The following IMPG1 variants were observed in gnomAD, a reference collection of about 807,000 sequenced individuals.
The protein encoded by IMPG1 is interphotoreceptor matrix proteoglycan 1, also known as interphotoreceptor matrix proteoglycan of 150 kDa.
A neutral mutation model predicts 92.0 loss-of-function variants in IMPG1; 85 were observed. The ratio of observed to expected loss-of-function variants is 0.92; its 90% CI spans 0.78 to 1.11. The LOEUF (loss-of-function observed/expected upper bound fraction) is 1.11. Ranked by LOEUF, IMPG1 falls within the 50% of genes least tolerant of loss-of-function variation. The pLI, the probability that IMPG1 is intolerant of heterozygous loss-of-function variation, is 0.00. For synonymous variants in IMPG1, 367 were observed against 334.1 expected, an observed-to-expected ratio of 1.10 and a Z score of -1.08; for missense variants, 1,022 against 956.0, an observed-to-expected ratio of 1.07 and a Z score of -0.91.
chr6:75,982,502 G>C (rs1423901147), intron 12 of IMPG1, among the ~76,000 whole-genome samples: 1 of 150,462 alleles, frequency 6.6e-6, no homozygotes, highest in Admixed American at 6.6e-5. Flanking sequence ...ATCGTGCCTG[G>C]GTGACAGAGC....
At chr6:76,008,835 C>G (rs879886154) in intron 8 of IMPG1, among the ~76,000 whole-genome samples, 1 of 152,180 alleles carries the variant, frequency 6.6e-6, no homozygotes, top group Non-Finnish European at 1.5e-5. Context: ...ATTCATCAAT[C>G]GCAAAGCTTT....
At chr6:75,966,797 T>C (rs982190775) in intron 12 of IMPG1, among the ~76,000 whole-genome samples, 3 of 152,152 alleles carry the variant, frequency 2.0e-5, no homozygotes, top group Admixed American at 6.5e-5. Flanking sequence ...TTTATGTAAT[T>C]TGTGTCCTTC....
chr6:75,937,625 G>A (rs1163606009), intron 14 of IMPG1, among the ~76,000 whole-genome samples: 1 of 152,166 alleles, frequency 6.6e-6, no homozygotes, highest in Admixed American at 6.5e-5. Context: ...ATTAAAATTT[G>A]TGTCAATAGT....
chr6:76,007,882 G>A (rs980108683), intron 8 of IMPG1, among the ~76,000 whole-genome samples: 2 of 152,100 alleles, frequency 1.3e-5, no homozygotes, highest in African/African-American at 2.4e-5. Flanking sequence ...TTTTAAAAAA[G>A]TATTTTGTAA....
rs142848421 is a variant in IMPG1 at position 75,991,315 on chromosome 6, C to T, written c.1291+11603G>A. Among the ~76,000 whole-genome samples the T allele has an allele frequency of 9.7e-3, 1,468 of 151,940 alleles. 15 individuals carry two copies. The highest frequency in any genetic ancestry group is 0.034 in the African/African-American group (1,397 of 41,432). On this transcript the variant is annotated intron_variant, in intron 12 of 16. Coordinates refer to ENST00000369950, the MANE Select transcript of IMPG1 (RefSeq NM_001563.4). ...CTGAGGCAAGAGAATCGCTTGAACC[C>T]GGGAGGCGGAGGTTGCAGTGAGCCA... is the stretch of plus-strand genomic sequence containing the variant.
intron 1 of IMPG1, among the ~76,000 whole-genome samples, chr6:76,070,895 A>G (rs1784394119): frequency 6.6e-6 from 1 of 152,060 alleles, no homozygotes; most frequent in Admixed American, 6.6e-5. Context: ...TGATGGTTAC[A>G]CTAAAGCCCA....
rs550769334 is a variant in IMPG1 at position 75,958,555 on chromosome 6, T to C, written c.1292-7461A>G. On this transcript the variant is annotated intron_variant, in intron 12 of 16. Coordinates refer to ENST00000369950, the MANE Select transcript of IMPG1 (RefSeq NM_001563.4). The stretch of plus-strand genomic sequence containing the variant: ...CACATGTAGGTTTGGTCTTTTCACA[T>C]AGTCCCATATTTCTTGGAGGCTTTG... Among the ~76,000 whole-genome samples, 3 of 152,340 alleles carry C rather than the reference T, an allele frequency of 2.0e-5. No homozygotes were observed. In the South Asian group the frequency reaches 6.2e-4, roughly 32 times the overall value.
intron 12 of IMPG1, among the ~76,000 whole-genome samples, chr6:75,979,302 A>T (rs1582082148): frequency 6.6e-6 from 1 of 152,196 alleles, no homozygotes; most frequent in East Asian, 1.9e-4. Context: ...GTCTCAAAAG[A>T]CAGTTGGTAG....
At chr6:75,922,589 T>C (rs1781448262) in intron 16 of IMPG1, among the ~76,000 whole-genome samples, 1 of 152,234 alleles carries the variant, frequency 6.6e-6, no homozygotes, top group Non-Finnish European at 1.5e-5. Flanking sequence ...ATGTAGTTCT[T>C]CAAGTTTACT....
chr6:76,055,925 T>C (rs1424938324), intron 1 of IMPG1, among the ~76,000 whole-genome samples: 2 of 152,102 alleles, frequency 1.3e-5, no homozygotes, highest in African/African-American at 2.4e-5. Flanking sequence ...TCAAATATCT[T>C]TCTATGAATA....
intron 2 of IMPG1, among the ~76,000 whole-genome samples, chr6:76,040,473 C>T (rs755952087): frequency 2.6e-5 from 4 of 152,186 alleles, no homozygotes; most frequent in Admixed American, 2.0e-4. Context: ...TAGGCACACT[C>T]GAAATTAGTA....
rs1409734111 is a variant in IMPG1, at chr6:76,022,107, ACTT to A, written c.666+6_666+8del. On this transcript the variant is annotated splice_donor_region_variant and intron_variant, in intron 6 of 16. Coordinates refer to ENST00000369950, the MANE Select transcript of IMPG1 (RefSeq NM_001563.4). Reference sequence around the variant, plus strand: ...ATGAAGAGCTAGATCAACTCTAGGAACTTCTTACTGTTGTAGGCATCTTGGTGT... The same window carrying A: ...ATGAAGAGCTAGATCAACTCTAGGAACTTACTGTTGTAGGCATCTTGGTGT... 6.7e-7 allele frequency: 1 copy of A among 1,485,788 alleles called. No individual in the cohort carries two copies. Among genetic ancestry groups the A allele is most frequent in the East Asian group, 2.3e-5 (1 of 42,742 alleles). 92.0% of individuals were successfully genotyped at this position (1,485,788 alleles called of 1,614,324 possible). A position where few individuals can be genotyped will look rare whatever the true frequency, so the allele number is the denominator to read the frequency against.
At chr6:76,007,587 T>C (rs1783119681) in intron 8 of IMPG1, 87 bp from the exon 9 acceptor site, 1 of 889,490 alleles carries the variant, frequency 1.1e-6, no homozygotes, top group African/African-American at 1.7e-5. Flanking sequence ...TTATTTTATA[T>C]ACAAAAGAAA....
chr6:75,938,041 C>T (rs1247892740), intron 14 of IMPG1, among the ~76,000 whole-genome samples: 1 of 152,250 alleles, frequency 6.6e-6, no homozygotes, highest in Non-Finnish European at 1.5e-5. Flanking sequence ...CTGTGACTTA[C>T]TCGGTTTTTC....
intron 4 of IMPG1, among the ~76,000 whole-genome samples, chr6:76,031,520 G>T (rs1329377723): frequency 2.0e-5 from 3 of 152,160 alleles, no homozygotes; most frequent in Non-Finnish European, 4.4e-5. Flanking sequence ...GTCCACACAG[G>T]CCAGATAAAA....
intron 12 of IMPG1, among the ~76,000 whole-genome samples, chr6:75,974,392 T>TTTTTCTTTCTTTCTTTTC (rs1782490492): frequency 3.4e-5 from 2 of 59,524 alleles, no homozygotes; most frequent in South Asian, 6.6e-4. Context: ...TCTTTCTTTC[T>TTTTTCTTTCTTTCTTTTC]TTTCTTTCTT....
intron 14 of IMPG1, among the ~76,000 whole-genome samples, chr6:75,937,927 A>T (rs2149452754): frequency 6.6e-6 from 1 of 152,354 alleles, no homozygotes; most frequent in East Asian, 1.9e-4. Context: ...CAGCCTGCAC[A>T]ACTAACTGGC....
intron 12 of IMPG1, among the ~76,000 whole-genome samples, chr6:75,955,551 A>T (rs1234883451): frequency 6.6e-6 from 1 of 152,218 alleles, no homozygotes; most frequent in Non-Finnish European, 1.5e-5. Flanking sequence ...GCAAACAGAG[A>T]CAATTCGACT....
chr6:76,061,401 T>G (rs150240576), intron 1 of IMPG1, among the ~76,000 whole-genome samples: 2 of 152,326 alleles, frequency 1.3e-5, no homozygotes, highest in African/African-American at 4.8e-5. Flanking sequence ...ACAGTTAATG[T>G]GCCTACCATT....
Sources: allele counts gnomAD v4.1 joint callset (sites outside exome capture counted in the v4.1 genomes callset), GRCh38; gene constraint gnomAD v4.1.1; transcripts MANE v1.5; gene names NCBI Gene and HGNC (gene_info 2026-07-23, HGNC 2026-07-21).